The following SAMD5 variants were observed in gnomAD, a reference collection of about 807,000 sequenced individuals.
SAMD5 encodes the protein sterile alpha motif domain containing 5.
A neutral mutation model predicts 11.3 loss-of-function variants in SAMD5; 13 were observed. The observed-to-expected ratio is 1.15, with a 90% CI of 0.75 to 1.83. The LOEUF (loss-of-function observed/expected upper bound fraction) is 1.83. Among genes scored for constraint, SAMD5 ranks in the 40% most tolerant of loss-of-function variants. SAMD5 has a pLI of 0.00. For synonymous variants in SAMD5, 129 were observed against 111.3 expected, an observed-to-expected ratio of 1.16 and a Z score of -1.00; for missense variants, 255 against 239.1, an observed-to-expected ratio of 1.07 and a Z score of -0.44.
chr6:147,771,783 A>T, the SAMD5 span, among the ~76,000 whole-genome samples: 1 of 152,204 alleles, frequency 6.6e-6, no homozygotes, highest in African/African-American at 2.4e-5. Flanking sequence ...TAAGGGATGG[A>T]GTGTCTACTG....
intron 1 of SAMD5, among the ~76,000 whole-genome samples, chr6:147,586,723 C>T (rs776447945): frequency 9.9e-5 from 15 of 151,472 alleles, no homozygotes; most frequent in Non-Finnish European, 2.1e-4. Flanking sequence ...ATAAATGACA[C>T]ATGGGATATG....
chr6:147,758,153 A>C, the SAMD5 span, among the ~76,000 whole-genome samples: 1 of 152,338 alleles, frequency 6.6e-6, no homozygotes, highest in Non-Finnish European at 1.5e-5. Context: ...TTACTTAGGA[A>C]AAAATACCCC....
At chr6:147,808,731 C>A in the SAMD5 span, among the ~76,000 whole-genome samples, 1 of 152,038 alleles carries the variant, frequency 6.6e-6, no homozygotes, top group African/African-American at 2.4e-5. Context: ...TATATTGAAT[C>A]GTCATAGTTC....
chr6:147,776,933 A>G, the SAMD5 span, among the ~76,000 whole-genome samples: 1,890 of 152,308 alleles, frequency 0.012, 50 homozygotes, highest in African/African-American at 0.043. Context: ...GTAATGAACT[A>G]TAAAATGACC....
At chr6:147,923,055 A>G in the SAMD5 span, among the ~76,000 whole-genome samples, 4 of 152,086 alleles carry the variant, frequency 2.6e-5, no homozygotes, top group Non-Finnish European at 5.9e-5. Context: ...CAGAGTAACG[A>G]TGATAAAAAA....
At chr6:147,646,402 CCTGTT>C (rs1256585744) in intron 1 of SAMD5, among the ~76,000 whole-genome samples, 1 of 151,716 alleles carries the variant, frequency 6.6e-6, no homozygotes, top group African/African-American at 2.4e-5. Flanking sequence ...TCCTTCTTGA[CCTGTT>C]CGGTTTCCAC....
At chr6:147,544,775 A>G (rs1418146971) in intron 1 of SAMD5, among the ~76,000 whole-genome samples, 1 of 152,210 alleles carries the variant, frequency 6.6e-6, no homozygotes, top group Non-Finnish European at 1.5e-5. Flanking sequence ...TAAAATCCTG[A>G]GCGAATAAGA....
At chr6:147,681,106 G>A (rs1370076078) in intron 1 of SAMD5, among the ~76,000 whole-genome samples, 1 of 152,118 alleles carries the variant, frequency 6.6e-6, no homozygotes, top group Non-Finnish European at 1.5e-5. Context: ...GTTTACCAGT[G>A]AAGCAATTTG....
At chr6:147,778,935 A>G in the SAMD5 span, among the ~76,000 whole-genome samples, 2 of 152,080 alleles carry the variant, frequency 1.3e-5, no homozygotes, top group Non-Finnish European at 2.9e-5. Context: ...AAGACTCTAT[A>G]TATGAAGCAA....
rs12177642 is a variant in SAMD5 at position 147,616,288 on chromosome 6, C to T, written c.162+106901C>T. ...TTTCATATATATTTATTCATATATA[C>T]TTCATATATATTTCATATATATTTA... On this transcript the variant is annotated intron_variant, in intron 1 of 1. Transcript: ENST00000566741. Among the ~76,000 whole-genome samples the T allele has an allele frequency of 6.0e-3, 625 of 103,548 alleles. 49 individuals are homozygous for T. The highest frequency in any genetic ancestry group is 0.045 in the African/African-American group (576 of 12,844). 67.9% of individuals were successfully genotyped at this position (103,548 alleles called of 152,430 possible). A position where few individuals can be genotyped will look rare whatever the true frequency, so the allele number is the denominator to read the frequency against.
chr6:147,572,534 GGTA>G (rs1789152341), downstream of SAMD5, among the ~76,000 whole-genome samples: 1 of 152,026 alleles, frequency 6.6e-6, no homozygotes. Context: ...AGAGTGCAGT[GGTA>G]TGATCGTGGC....
intron 1 of SAMD5, among the ~76,000 whole-genome samples, chr6:147,696,567 G>C (rs927441753): frequency 3.3e-5 from 5 of 152,152 alleles, no homozygotes; most frequent in African/African-American, 9.7e-5. Context: ...GAGAGTTCTG[G>C]TCTTCTTCCC....
chr6:147,655,373 A>G (rs1425791880), intron 1 of SAMD5, among the ~76,000 whole-genome samples: 1 of 152,160 alleles, frequency 6.6e-6, no homozygotes, highest in Admixed American at 6.5e-5. Context: ...GCCTTTCCCA[A>G]CTAAAAAATT....
the SAMD5 span, among the ~76,000 whole-genome samples, chr6:147,900,503 T>A: frequency 6.6e-6 from 1 of 152,216 alleles, no homozygotes; most frequent in African/African-American, 2.4e-5. Flanking sequence ...TGAACAGGAT[T>A]GCCCCAGCCC....
chr6:147,858,929 A>G, the SAMD5 span, among the ~76,000 whole-genome samples: 224 of 152,256 alleles, frequency 1.5e-3, 6 homozygotes, highest in South Asian at 0.043. Context: ...TGCATTCTGG[A>G]TGGAAAAAAG....
chr6:147,854,214 G>A, the SAMD5 span, among the ~76,000 whole-genome samples: 1 of 152,270 alleles, frequency 6.6e-6, no homozygotes, highest in African/African-American at 2.4e-5. Flanking sequence ...AAGAAACAAA[G>A]AGGCTTGACA....
the SAMD5 span, among the ~76,000 whole-genome samples, chr6:147,837,225 T>C: frequency 5.3e-5 from 8 of 152,140 alleles, no homozygotes; most frequent in African/African-American, 1.9e-4. Flanking sequence ...CCTTCCTAAG[T>C]ACCTCCTTCT....
At chr6:147,728,259 C>A (rs11755379) in intron 1 of SAMD5, among the ~76,000 whole-genome samples, 1 of 152,052 alleles carries the variant, frequency 6.6e-6, no homozygotes, top group Admixed American at 6.6e-5. Context: ...AATCCTGTCT[C>A]TACAAAAAAT....
the SAMD5 span, among the ~76,000 whole-genome samples, chr6:147,878,605 C>CA: frequency 7.0e-6 from 1 of 141,946 alleles, no homozygotes; most frequent in Non-Finnish European, 1.5e-5. Flanking sequence ...ACATATATAT[C>CA]TATATAGATA....
Sources: allele counts gnomAD v4.1 joint callset (sites outside exome capture counted in the v4.1 genomes callset), GRCh38; gene constraint gnomAD v4.1.1; transcripts MANE v1.5; gene names NCBI Gene and HGNC (gene_info 2026-07-23, HGNC 2026-07-21).